SANBR: variants seen among roughly 807,000 people sequenced by gnomAD.
SANBR encodes SANT and BTB domain regulator of class switch recombination.
Under a neutral mutation model 101.8 loss-of-function variants are expected in SANBR, and 77 were observed. That is an observed-to-expected ratio of 0.76 (90% CI 0.63 to 0.91). The LOEUF (loss-of-function observed/expected upper bound fraction) is 0.91. SANBR is among the 40% of genes least tolerant of loss of function. The pLI is 0.00. For synonymous variants in SANBR, 279 were observed against 274.7 expected (o/e 1.02, Z -0.15); for missense variants, 875 against 853.0 (o/e 1.03, Z -0.32).
At chr2:61,069,826 T>G (rs988409662) in intron 2 of SANBR, 14 of 152,374 alleles carry the variant, frequency 9.2e-5, no homozygotes, top group African/African-American at 3.4e-4. Flanking sequence ...GCTTTCAAAA[T>G]TACTTAATTG....
intron 8 of SANBR, among the ~76,000 whole-genome samples, chr2:61,086,888 A>G (rs987634064): frequency 6.6e-6 from 1 of 152,184 alleles, no homozygotes; most frequent in Non-Finnish European, 1.5e-5. Flanking sequence ...TCCAAGAGCT[A>G]AATAATTGAA....
chr2:61,100,667 A>G (rs1027507231), intron 12 of SANBR, among the ~76,000 whole-genome samples: 2 of 152,184 alleles, frequency 1.3e-5, no homozygotes, highest in Admixed American at 6.5e-5. Flanking sequence ...TCTGTTCTCT[A>G]AAAAGTAGAT....
downstream of SANBR, among the ~76,000 whole-genome samples, chr2:61,125,184 T>C (rs752337057): frequency 2.6e-4 from 39 of 152,218 alleles, no homozygotes; most frequent in Non-Finnish European, 5.0e-4. Context: ...AGTTAATAGA[T>C]CTAAAACAAC....
At chr2:61,084,099 G>A (rs984408799) in intron 8 of SANBR, among the ~76,000 whole-genome samples, 2 of 151,662 alleles carry the variant, frequency 1.3e-5, no homozygotes, top group Admixed American at 6.6e-5. Context: ...AACCACAGGC[G>A]CACGCCACCA....
At chr2:61,073,710 T>C (rs892122450) in intron 5 of SANBR, among the ~76,000 whole-genome samples, 159 bp downstream of exon 5, 4 of 152,088 alleles carry the variant, frequency 2.6e-5, no homozygotes, top group Non-Finnish European at 5.9e-5. Flanking sequence ...GAAACATGAC[T>C]TATTCATGTT....
rs906435446 is a variant in SANBR, at chr2:61,121,279, A to T, written c.2120+3A>T. On this transcript the variant is annotated splice_donor_region_variant and intron_variant, in intron 21 of 21. Transcript: ENST00000402291. ...AGCAGCTCAGAGAAAAACACAAGGT[A>T]AATCAGCATAAACTAAACCAGAGTG... 1.3e-6 allele frequency: 2 copies of T among 1,548,814 alleles called. No homozygotes were observed. Among genetic ancestry groups the T allele is most frequent in the Non-Finnish European group, 1.7e-6 (2 of 1,144,790 alleles).
intron 6 of SANBR, among the ~76,000 whole-genome samples, chr2:61,078,740 A>C (rs1309008412): frequency 1.3e-5 from 2 of 152,094 alleles, no homozygotes; most frequent in African/African-American, 4.8e-5. Flanking sequence ...TTCATTTTAG[A>C]AAAGGTGGTT....
chr2:61,134,321 A>G, intron 21 of SANBR: 1 of 1,506,486 alleles, frequency 6.6e-7, no homozygotes, highest in African/African-American at 1.4e-5. Context: ...ACCACATGAA[A>G]GACTTTTAGA....
chr2:61,130,714 C>A (rs1405717722), intron 20 of SANBR, among the ~76,000 whole-genome samples: 3 of 151,014 alleles, frequency 2.0e-5, no homozygotes, highest in Non-Finnish European at 3.0e-5. Context: ...TTTGGGAGGC[C>A]GAGGCGGGCA....
downstream of SANBR, among the ~76,000 whole-genome samples, chr2:61,125,187 A>G (rs1364536243): frequency 6.6e-6 from 1 of 152,254 alleles, no homozygotes; most frequent in Non-Finnish European, 1.5e-5. Context: ...TAATAGATCT[A>G]AAACAACTAG....
chr2:61,132,102 C>G lies in SANBR; in HGVS notation c.2029-2035C>G, dbSNP rs149315337. On this transcript the variant is annotated intron_variant, in intron 20 of 21. Transcript: ENST00000295031. ...AAGCATAGGGGTAAATCTTCGTGAC[C>G]TTGGATTTGGCAAGGATTCTTAGAT... 2.7e-3 allele frequency among the ~76,000 whole-genome samples: 396 copies of G among 144,968 alleles called. 2 individuals are homozygous for G. The highest frequency in any genetic ancestry group is 9.8e-3 in the African/African-American group (384 of 39,068).
chr2:61,131,663 C>T (rs1684692597), intron 20 of SANBR, among the ~76,000 whole-genome samples: 1 of 152,200 alleles, frequency 6.6e-6, no homozygotes. Flanking sequence ...GTGAGAGACT[C>T]TCTTCCTTGT....
At chr2:61,098,136 C>T (rs1311897276) in intron 12 of SANBR, among the ~76,000 whole-genome samples, 1 of 146,012 alleles carries the variant, frequency 6.8e-6, no homozygotes, top group Admixed American at 6.9e-5. Flanking sequence ...TGGGGTCTCG[C>T]TCTGTTGCCC....
chr2:61,115,876 C>A, intron 16 of SANBR, 103 bp from the exon 17 acceptor site: 1 of 659,046 alleles, frequency 1.5e-6, no homozygotes. Flanking sequence ...TGTTAGTTTT[C>A]TTAAAACAAT....
chr2:61,101,687 C>G (rs1453903340), intron 12 of SANBR, among the ~76,000 whole-genome samples: 1 of 149,672 alleles, frequency 6.7e-6, no homozygotes, highest in Admixed American at 6.7e-5. Context: ...GAGCTGAGAT[C>G]ACTGCACGGC....
intron 6 of SANBR, among the ~76,000 whole-genome samples, chr2:61,078,546 C>T (rs918929406): frequency 2.0e-5 from 3 of 151,930 alleles, no homozygotes; most frequent in Admixed American, 6.6e-5. Context: ...CTCAGCCTCC[C>T]GAGTAGCTGG....
At chr2:61,105,365 CAA>C (rs976027751) in intron 13 of SANBR, among the ~76,000 whole-genome samples, 3 of 132,942 alleles carry the variant, frequency 2.3e-5, no homozygotes, top group Admixed American at 1.5e-4. Context: ...GACTCCGTCT[CAA>C]AAAAAAAAAA....
intron 11 of SANBR, 101 bp downstream of exon 11, chr2:61,092,688 T>C: frequency 1.0e-6 from 1 of 982,094 alleles, no homozygotes; most frequent in Non-Finnish European, 1.4e-6. Flanking sequence ...GTTTTGACAA[T>C]ATCCAACATC....
chr2:61,066,197 C>A (rs1330014010), intron 1 of SANBR, 170 bp downstream of exon 1: 2 of 152,730 alleles, frequency 1.3e-5, no homozygotes, highest in African/African-American at 2.4e-5. Flanking sequence ...GCCGGCCGCG[C>A]CTCGAGCAGC....
Sources: allele counts gnomAD v4.1 joint callset (sites outside exome capture counted in the v4.1 genomes callset), GRCh38; gene constraint gnomAD v4.1.1; transcripts MANE v1.5; gene names NCBI Gene and HGNC (gene_info 2026-07-23, HGNC 2026-07-21).